Variants in DOCK1 observed in about 807,000 individuals in gnomAD.
DOCK1 encodes dedicator of cytokinesis protein 1.
Under a neutral mutation model 262.7 loss-of-function variants are expected in DOCK1, and 138 were observed. The observed-to-expected ratio is 0.53, with a 90% CI of 0.46 to 0.61. The LOEUF (loss-of-function observed/expected upper bound fraction) is 0.61, where lower values mean the gene tolerates loss of function less well. DOCK1 is among the 20% of genes least tolerant of loss of function. DOCK1 has a pLI of 0.00. For missense variants in DOCK1, 1,908 were observed against 2,370.7 expected, an observed-to-expected ratio of 0.80 and a Z score of 4.05; for synonymous variants, 866 against 867.4, an observed-to-expected ratio of 1.00 and a Z score of 0.03.
chr10:126,960,786 GTA>G lies in DOCK1; in HGVS notation c.47-9911_47-9910del, dbSNP rs1175089358. Among the ~76,000 whole-genome samples the G allele has an allele frequency of 1.5e-4, 15 of 97,296 alleles. 1 individual carries two copies. The highest frequency in any genetic ancestry group is 4.7e-4 in the African/African-American group (9 of 18,972). 63.8% of individuals were successfully genotyped at this position (97,296 alleles called of 152,430 possible). ...CAGACACATATATACGTATATATGT[GTA>G]TATACACACACACACACACACATAG... On this transcript the variant is annotated intron_variant, in intron 1 of 51. Transcript: ENST00000623213.
At chr10:126,964,916 A>C (rs1345944759) in intron 1 of DOCK1, among the ~76,000 whole-genome samples, 1 of 152,252 alleles carries the variant, frequency 6.6e-6, no homozygotes, top group Non-Finnish European at 1.5e-5. Flanking sequence ...CAAATGCTAC[A>C]GCTTTTGCTT....
At chr10:127,081,159 C>T (rs2046877284) in intron 23 of DOCK1, among the ~76,000 whole-genome samples, 1 of 152,150 alleles carries the variant, frequency 6.6e-6, no homozygotes, top group Admixed American at 6.6e-5. Context: ...CTGATGTTCA[C>T]CTTCTTGGAG....
intron 27 of DOCK1, among the ~76,000 whole-genome samples, chr10:127,195,483 TC>T (rs776328760): frequency 6.6e-6 from 1 of 151,866 alleles, no homozygotes; most frequent in Non-Finnish European, 1.5e-5. Context: ...CTCGCGCCTC[TC>T]CTCAACGGCC....
intron 31 of DOCK1, among the ~76,000 whole-genome samples, chr10:127,346,304 C>T (rs2063631484): frequency 6.6e-6 from 1 of 152,212 alleles, no homozygotes. Flanking sequence ...AACATCAAGA[C>T]ATGCACTAAC....
intron 40 of DOCK1, among the ~76,000 whole-genome samples, chr10:127,405,441 C>CTTTTTTTTTTTTTTTTTTTTTTTTTTTT (rs36056116): frequency 7.5e-6 from 1 of 134,160 alleles, no homozygotes; most frequent in African/African-American, 2.8e-5. Flanking sequence ...TTTCTTATGA[C>CTTTTTTTTTTTTTTTTTTTTTTTTTTTT]TTTTTTTTTT....
intron 23 of DOCK1, among the ~76,000 whole-genome samples, chr10:127,075,836 C>A (rs1312654295): frequency 1.3e-5 from 2 of 152,170 alleles, no homozygotes; most frequent in Admixed American, 1.3e-4. Flanking sequence ...GACACAGAAC[C>A]AAACCATATC....
At chr10:127,072,401 G>A (rs1172644438) in intron 23 of DOCK1, among the ~76,000 whole-genome samples, 2 of 152,166 alleles carry the variant, frequency 1.3e-5, no homozygotes, top group Non-Finnish European at 2.9e-5. Context: ...CATCCCCTAT[G>A]TGTATAGTTG....
intron 1 of DOCK1, among the ~76,000 whole-genome samples, chr10:126,943,376 T>C (rs1305181987): frequency 1.3e-5 from 2 of 152,222 alleles, no homozygotes; most frequent in African/African-American, 4.8e-5. Context: ...CTGCTTGGGA[T>C]CAGATCCTAG....
intron 27 of DOCK1, among the ~76,000 whole-genome samples, chr10:127,205,192 C>A (rs540013098): frequency 6.6e-6 from 1 of 152,138 alleles, no homozygotes; most frequent in Non-Finnish European, 1.5e-5. Context: ...ACTTGTGATT[C>A]ATTCACACCA....
chr10:127,389,311 A>G (rs1195265043), intron 38 of DOCK1, among the ~76,000 whole-genome samples: 1 of 152,188 alleles, frequency 6.6e-6, no homozygotes, highest in Admixed American at 6.5e-5. Flanking sequence ...GGGATGTGCC[A>G]TCATTTGAGA....
At chr10:126,969,243 C>T (rs911037321) in intron 1 of DOCK1, among the ~76,000 whole-genome samples, 9 of 152,182 alleles carry the variant, frequency 5.9e-5, no homozygotes, top group Non-Finnish European at 1.3e-4. Context: ...TAGAGCAGAT[C>T]GTTTGCCAGA....
chr10:127,039,163 C>G (rs1280014795), intron 19 of DOCK1, among the ~76,000 whole-genome samples: 1 of 152,210 alleles, frequency 6.6e-6, no homozygotes, highest in Non-Finnish European at 1.5e-5. Flanking sequence ...CAGACATATA[C>G]TCACTAATCT....
At chr10:127,208,675 T>A (rs1323617535) in intron 27 of DOCK1, among the ~76,000 whole-genome samples, 2 of 152,190 alleles carry the variant, frequency 1.3e-5, no homozygotes, top group African/African-American at 4.8e-5. Flanking sequence ...TTCATTTTTT[T>A]AAAAACATGA....
chr10:127,049,294 G>A (rs2044553456), intron 21 of DOCK1, among the ~76,000 whole-genome samples: 1 of 152,286 alleles, frequency 6.6e-6, no homozygotes, highest in East Asian at 1.9e-4. Flanking sequence ...GCCTAGGTGG[G>A]TGGATCAGTT....
At chr10:126,907,058 C>T (rs746210875) in intron 1 of DOCK1, among the ~76,000 whole-genome samples, 3 of 152,214 alleles carry the variant, frequency 2.0e-5, no homozygotes, top group Non-Finnish European at 4.4e-5. Flanking sequence ...CAGTGTGTAA[C>T]CTGCACCCTG....
intron 29 of DOCK1, among the ~76,000 whole-genome samples, chr10:127,293,103 G>C (rs573864440): frequency 1.7e-4 from 26 of 152,170 alleles, no homozygotes; most frequent in Non-Finnish European, 3.2e-4. Flanking sequence ...GGAGGGGGCT[G>C]TTGTAGGGTG....
chr10:127,261,232 C>T (rs202119460), intron 29 of DOCK1, among the ~76,000 whole-genome samples: 36,539 of 80,556 alleles, frequency 0.45, 8,236 homozygotes, highest in South Asian at 0.67. Flanking sequence ...TGTGGGTGTG[C>T]GTGTGTGTAC....
At chr10:127,171,086 A>G (rs1005980886) in intron 27 of DOCK1, among the ~76,000 whole-genome samples, 3 of 152,210 alleles carry the variant, frequency 2.0e-5, no homozygotes, top group African/African-American at 4.8e-5. Flanking sequence ...ACTGTATTTC[A>G]GTGTCTACCA....
intron 27 of DOCK1, among the ~76,000 whole-genome samples, chr10:127,228,321 G>A (rs115816670): frequency 2.6e-5 from 4 of 152,266 alleles, no homozygotes; most frequent in African/African-American, 7.2e-5. Context: ...TCTCCAGAAC[G>A]TGTATGTGCG....
Sources: allele counts gnomAD v4.1 joint callset (sites outside exome capture counted in the v4.1 genomes callset), GRCh38; gene constraint gnomAD v4.1.1; transcripts MANE v1.5; gene names NCBI Gene and HGNC (gene_info 2026-07-23, HGNC 2026-07-21).